DRC9: variants seen among roughly 807,000 people sequenced by gnomAD.
DRC9 encodes dynein regulatory complex protein 9.
chr3:197,920,339 G>A, the DRC9 span, among the ~76,000 whole-genome samples: 3 of 138,462 alleles, frequency 2.2e-5, no homozygotes, highest in African/African-American at 6.2e-5. Context: ...TACTTGGGAA[G>A]CTGAGGTAGG....
chr3:197,946,434 C>CAAAAAAAA, the DRC9 span, among the ~76,000 whole-genome samples: 1 of 72,618 alleles, frequency 1.4e-5, no homozygotes, highest in African/African-American at 4.3e-5. Context: ...GACTCCGTCT[C>CAAAAAAAA]AAAAAAAAAA....
chr3:197,954,141 C>T, the DRC9 span: 1 of 1,614,138 alleles, frequency 6.2e-7, no homozygotes, highest in Non-Finnish European at 8.5e-7. Flanking sequence ...GACACAGAAT[C>T]CGAGTGGTGA....
chr3:197,959,763 A>G, the DRC9 span: 1 of 156,388 alleles, frequency 6.4e-6, no homozygotes, highest in Non-Finnish European at 1.4e-5. Context: ...TGTATCATAG[A>G]TTTTTATAGG....
chr3:197,928,249 T>C, the DRC9 span, among the ~76,000 whole-genome samples: 1 of 152,152 alleles, frequency 6.6e-6, no homozygotes, highest in Non-Finnish European at 1.5e-5. Flanking sequence ...ATTATGGGTA[T>C]TATTTTTATC....
At chr3:197,945,628 T>C in the DRC9 span, 1 of 1,584,102 alleles carries the variant, frequency 6.3e-7, no homozygotes. Flanking sequence ...ACTCTTCCAT[T>C]CTTCTGTAGC....
chr3:197,913,902 T>C, the DRC9 span: 1 of 1,613,958 alleles, frequency 6.2e-7, no homozygotes, highest in Non-Finnish European at 8.5e-7. Flanking sequence ...CCACCAAGAG[T>C]TCCTCTGTTC....
At chr3:197,889,587 T>G in the DRC9 span, 1 of 1,614,234 alleles carries the variant, frequency 6.2e-7, no homozygotes. Flanking sequence ...TGGTCACTTC[T>G]TCTTGCCTCT....
At chr3:197,941,315 T>C in the DRC9 span, among the ~76,000 whole-genome samples, 2 of 103,870 alleles carry the variant, frequency 1.9e-5, no homozygotes, top group African/African-American at 4.9e-5. Context: ...TCCTTCCCTT[T>C]CTTCCTTCCT....
the DRC9 span, among the ~76,000 whole-genome samples, chr3:197,925,070 G>C: frequency 6.6e-6 from 1 of 152,168 alleles, no homozygotes; most frequent in East Asian, 1.9e-4. Context: ...GTATGAGAAG[G>C]TTCATAATGT....
At chr3:197,943,681 A>G in the DRC9 span, 10 of 1,093,186 alleles carry the variant, frequency 9.1e-6, no homozygotes, top group East Asian at 9.5e-5. Flanking sequence ...GAGAGAGAGA[A>G]AGAAAGAAAA....
the DRC9 span, chr3:197,956,131 A>AT: frequency 1.8e-5 from 5 of 282,798 alleles, no homozygotes; most frequent in Non-Finnish European, 3.5e-5. Flanking sequence ...TCATTTTTAA[A>AT]TTTTTTGTAG....
At chr3:197,932,278 T>A in the DRC9 span, 2 of 1,611,512 alleles carry the variant, frequency 1.2e-6, no homozygotes, top group Middle Eastern at 1.7e-4. Flanking sequence ...TAATGGTATC[T>A]GCAATCACAT....
chr3:197,919,163 G>A, the DRC9 span, among the ~76,000 whole-genome samples: 1 of 152,196 alleles, frequency 6.6e-6, no homozygotes, highest in Non-Finnish European at 1.5e-5. Flanking sequence ...AAAGGCATCT[G>A]GTTTTAATGC....
At chr3:197,933,313 C>T in the DRC9 span, among the ~76,000 whole-genome samples, 1 of 151,162 alleles carries the variant, frequency 6.6e-6, no homozygotes, top group Non-Finnish European at 1.5e-5. Context: ...TGGTGGTGCC[C>T]ACCTGTAATC....
the DRC9 span, among the ~76,000 whole-genome samples, chr3:197,895,974 C>CAAAAAAAAAA: frequency 5.4e-4 from 32 of 58,988 alleles, no homozygotes; most frequent in African/African-American, 2.0e-3. Context: ...GACCCTGTCT[C>CAAAAAAAAAA]AAAAAAAAAA....
At chr3:197,946,301 G>T in the DRC9 span, among the ~76,000 whole-genome samples, 12 of 151,872 alleles carry the variant, frequency 7.9e-5, no homozygotes, top group African/African-American at 2.7e-4. Flanking sequence ...CGGGCGTGGT[G>T]GCGGGTGCCT....
the DRC9 span, among the ~76,000 whole-genome samples, chr3:197,897,573 A>G: frequency 0.39 from 59,583 of 151,926 alleles, 16,486 homozygotes; most frequent in African/African-American, 0.8. Context: ...ACTATCACAC[A>G]TCTCTGAAAT....
At chr3:197,943,161 C>T in the DRC9 span, among the ~76,000 whole-genome samples, 1 of 152,100 alleles carries the variant, frequency 6.6e-6, no homozygotes, top group Non-Finnish European at 1.5e-5. Context: ...GAATTTCCTC[C>T]CCCTAGTGTT....
chr3:197,937,884 T>C, the DRC9 span, among the ~76,000 whole-genome samples: 1 of 152,090 alleles, frequency 6.6e-6, no homozygotes, highest in East Asian at 1.9e-4. Context: ...CTATGATCTC[T>C]CCAGTCAATA....
Sources: allele counts gnomAD v4.1 joint callset (sites outside exome capture counted in the v4.1 genomes callset), GRCh38; gene constraint gnomAD v4.1.1; transcripts MANE v1.5; gene names NCBI Gene and HGNC (gene_info 2026-07-23, HGNC 2026-07-21).